Variants in SASH1 observed in about 807,000 individuals in gnomAD.
SASH1 encodes SAM and SH3 domain-containing protein 1.
In SASH1, 44 loss-of-function variants were observed where a neutral mutation model predicts 125.2. That is an observed-to-expected ratio of 0.35 (90% CI 0.28 to 0.45). The LOEUF (loss-of-function observed/expected upper bound fraction) is 0.45. Among genes scored for constraint, SASH1 ranks in the 20% least tolerant of loss-of-function variants. The pLI, the probability that SASH1 is intolerant of heterozygous loss-of-function variation, is 1.00. For missense variants in SASH1, 1,426 were observed against 1,614.5 expected (o/e 0.88, Z 2.00); for synonymous variants, 639 against 649.1 (o/e 0.98, Z 0.24).
chr6:148,216,577 C>T, the SASH1 span, among the ~76,000 whole-genome samples: 21 of 152,120 alleles, frequency 1.4e-4, no homozygotes, highest in Non-Finnish European at 2.8e-4. Context: ...AGACCGCTGG[C>T]ATCTGGGGAC....
chr6:148,215,056 T>C, the SASH1 span, among the ~76,000 whole-genome samples: 1 of 152,172 alleles, frequency 6.6e-6, no homozygotes, highest in African/African-American at 2.4e-5. Flanking sequence ...AGTCCAGGGA[T>C]GCCTGGTTCA....
At chr6:148,214,769 G>A in the SASH1 span, among the ~76,000 whole-genome samples, 4 of 152,286 alleles carry the variant, frequency 2.6e-5, no homozygotes, top group African/African-American at 9.6e-5. Context: ...GTCTCATGTT[G>A]CCATAGTGCT....
At position 148,482,978 on chromosome 6, in the gene SASH1, C is replaced by T. The variant is rs1441673852; in HGVS notation, c.628-4636C>T. The stretch of plus-strand genomic sequence containing the variant: ...TGGTGGGATTACAGGCGTGAGCCAC[C>T]GTGCCTGGTTCAAACTTTTCTTAAT... On this transcript the variant is annotated intron_variant, in intron 7 of 19. Transcript: ENST00000367467. Among the ~76,000 whole-genome samples the T allele has an allele frequency of 3.9e-5, 6 of 152,104 alleles. No homozygotes were observed. The South Asian group carries it at 8.3e-4, about 21-fold the overall frequency.
rs920176354 is a variant in SASH1 at position 148,444,231 on chromosome 6, A to G, written c.386+3824A>G. On this transcript the variant is annotated intron_variant, in intron 4 of 19. Transcript: ENST00000367467. ...AGCTGAAACCTATTCTAAGGGAGGT[A>G]TCTGGCCTTAATTATGTTTCAAATG... Among the ~76,000 whole-genome samples the G allele has an allele frequency of 3.9e-5, 6 of 152,334 alleles. 1 individual carries two copies. Among genetic ancestry groups the G allele is most frequent in the Admixed American group, 3.3e-4 (5 of 15,304 alleles).
Position 148,495,659 on chromosome 6 carries a change from A to G in SASH1, c.729+7944A>G, listed in dbSNP as rs1191712335. ...CCTATAAATATTCCCAGCAATCTAA[A>G]AAAATGTGTACAATTTTTATAGTTT... On this transcript the variant is annotated intron_variant, in intron 8 of 19. Coordinates refer to ENST00000367467, the MANE Select transcript of SASH1 (RefSeq NM_015278.5). The surrounding 1 kb of genome is among the most constrained non-coding windows in gnomAD (Gnocchi z 4.0). Among the ~76,000 whole-genome samples the G allele has an allele frequency of 6.6e-6, 1 of 152,222 alleles. No homozygotes were observed. The highest frequency in any genetic ancestry group is 2.4e-5 in the African/African-American group (1 of 41,458).
the SASH1 span, among the ~76,000 whole-genome samples, chr6:148,197,935 C>T: frequency 5.9e-5 from 9 of 152,072 alleles, no homozygotes; most frequent in Middle Eastern, 3.2e-3. Flanking sequence ...CTGCAACCTC[C>T]GCCTCCCATG....
At chr6:148,318,884 G>C (rs1582958464) in intron 1 of SASH1, among the ~76,000 whole-genome samples, 1 of 151,860 alleles carries the variant, frequency 6.6e-6, no homozygotes, top group African/African-American at 2.4e-5. Flanking sequence ...TTCACACAGA[G>C]AATATTTTCC....
the SASH1 span, among the ~76,000 whole-genome samples, chr6:148,237,172 G>A: frequency 6.7e-6 from 1 of 148,952 alleles, no homozygotes; most frequent in East Asian, 2.2e-4. Flanking sequence ...ACAGTGAAAG[G>A]TTTTATCTGC....
chr6:148,369,818 G>A (rs1051556945), intron 1 of SASH1, among the ~76,000 whole-genome samples: 6 of 151,816 alleles, frequency 4.0e-5, no homozygotes, highest in African/African-American at 9.7e-5. Context: ...GCTGGGTGTG[G>A]TGGTGTGTGC....
At chr6:148,226,168 AT>A in the SASH1 span, among the ~76,000 whole-genome samples, 10 of 152,252 alleles carry the variant, frequency 6.6e-5, no homozygotes, top group East Asian at 1.9e-4. Flanking sequence ...TCCACATCAG[AT>A]TTTTTTTATT....
chr6:148,233,742 CAAA>C, the SASH1 span, among the ~76,000 whole-genome samples: 38 of 60,532 alleles, frequency 6.3e-4, 1 homozygote, highest in African/African-American at 2.6e-3. Flanking sequence ...TTCCTCTCTA[CAAA>C]AAAAAAAAAA....
the SASH1 span, among the ~76,000 whole-genome samples, chr6:148,226,997 G>A: frequency 5.9e-5 from 9 of 152,192 alleles, no homozygotes; most frequent in African/African-American, 2.2e-4. Flanking sequence ...GGATTGATGA[G>A]CAGGGAAACT....
At chr6:148,481,577 A>T (rs1378790982) in intron 7 of SASH1, among the ~76,000 whole-genome samples, 2 of 152,090 alleles carry the variant, frequency 1.3e-5, no homozygotes, top group East Asian at 1.9e-4. Context: ...CAGGGTTATT[A>T]ATTGGCCTAA....
chr6:148,363,685 C>T (rs1782339542), intron 1 of SASH1, among the ~76,000 whole-genome samples: 2 of 151,922 alleles, frequency 1.3e-5, no homozygotes, highest in Non-Finnish European at 2.9e-5. Context: ...CAGGCATAAG[C>T]CACCACGCCC....
At chr6:148,344,732 A>G (rs1781463249) in intron 1 of SASH1, among the ~76,000 whole-genome samples, 1 of 151,662 alleles carries the variant, frequency 6.6e-6, no homozygotes, top group African/African-American at 2.4e-5. Context: ...GACATTTTAA[A>G]GTTGTGATAA....
chr6:148,369,537 G>A (rs1782625537), intron 1 of SASH1, among the ~76,000 whole-genome samples: 1 of 152,118 alleles, frequency 6.6e-6, no homozygotes, highest in South Asian at 2.1e-4. Flanking sequence ...TGGCAGCAAT[G>A]CAAATAATAC....
intron 2 of SASH1, among the ~76,000 whole-genome samples, chr6:148,401,420 C>A (rs886865980): frequency 1.3e-5 from 2 of 152,014 alleles, no homozygotes; most frequent in Non-Finnish European, 2.9e-5. Context: ...CTGCACTTCT[C>A]AAAAAAGAAA....
intron 2 of SASH1, among the ~76,000 whole-genome samples, chr6:148,404,064 G>A (rs1272195387): frequency 1.3e-5 from 2 of 152,146 alleles, no homozygotes; most frequent in Admixed American, 1.3e-4. Context: ...ATAAATTTTT[G>A]TGGGGTGAAT....
chr6:148,252,475 GT>G, the SASH1 span, among the ~76,000 whole-genome samples: 14 of 148,022 alleles, frequency 9.5e-5, no homozygotes, highest in South Asian at 2.1e-4. Flanking sequence ...TTGTTTTGTG[GT>G]TTTTTTTCTT....
Sources: allele counts gnomAD v4.1 joint callset (sites outside exome capture counted in the v4.1 genomes callset), GRCh38; gene constraint gnomAD v4.1.1; non-coding constraint Gnocchi (gnomAD v3.1); transcripts MANE v1.5; gene names NCBI Gene and HGNC (gene_info 2026-07-23, HGNC 2026-07-21).